ZNF160: variants seen among roughly 807,000 people sequenced by gnomAD.
ZNF160 encodes zinc finger protein 160, also known as KRAB zinc finger protein KR18.
Under a neutral mutation model 13.1 loss-of-function variants are expected in ZNF160, and 9 were observed. That is an observed-to-expected ratio of 0.69 (90% confidence interval 0.41 to 1.20). ZNF160 has a LOEUF of 1.20. ZNF160 is among the 50% of genes most tolerant of loss of function. The pLI, the probability that ZNF160 is intolerant of heterozygous loss-of-function variation, is 0.01. For missense variants in ZNF160, 838 were observed against 988.0 expected, an observed-to-expected ratio of 0.85 and a Z score of 2.04; for synonymous variants, 293 against 333.2, an observed-to-expected ratio of 0.88 and a Z score of 1.31.
rs1357703119 is a variant in ZNF160, at chr19:53,069,469, G to A, written c.1065C>T (p.Asn355=). 3.7e-6 allele frequency: 6 copies of A among 1,613,904 alleles called. No individual in the cohort carries two copies. The highest frequency in any genetic ancestry group is 5.1e-6 in the Non-Finnish European group (6 of 1,179,996). ...TATGAATTAACTGATGGGTAGTTAG[G>A]TTTGAATGTCCTCTAAAGGCTTTTC... ...ECGKAFRGHS[N]LTTHQLIHTG... The change falls in exon 6 of 6, where the codon AAC becomes AAT. Residue 355 remains asparagine (N), a synonymous_variant. Transcript: ENST00000683776. This position sits in a 1 kb window ranked among gnomAD's most constrained non-coding sequence, Gnocchi z 4.4.
intron 3 of ZNF160, among the ~76,000 whole-genome samples, chr19:53,077,869 A>T (rs1019386482): frequency 6.6e-6 from 1 of 152,004 alleles, no homozygotes; most frequent in Non-Finnish European, 1.5e-5. Context: ...AAAACAATAA[A>T]TATGAGATTA....
chr19:53,099,096 G>C (rs1202381951), intron 1 of ZNF160, among the ~76,000 whole-genome samples: 4 of 149,558 alleles, frequency 2.7e-5, no homozygotes, highest in Non-Finnish European at 2.9e-5. Flanking sequence ...GGCCAAGATG[G>C]AGACACAAAA....
At position 53,069,131 on chromosome 19, in the gene ZNF160, A is replaced by G; in HGVS notation, c.1403T>C (p.Leu468Pro). ...AGTATGGATGACCTGATGGGTAGCT[A>G]GGTTTGAATGCATACTGAAGGCTTT... ...CGKAFSMHSN[L>P]ATHQVIHTGT... The change falls in exon 6 of 6, where the codon CTA becomes CCA. Residue 468 changes from leucine (L) to proline (P), a missense_variant. By Grantham distance (98) the Leu-to-Pro change is moderately conservative. Transcript: ENST00000683776. This position sits in a 1 kb window ranked among gnomAD's most constrained non-coding sequence, Gnocchi z 4.4. 6.2e-7 allele frequency: 1 copy of G among 1,614,176 alleles called. No homozygotes were observed. Among genetic ancestry groups the G allele is most frequent in the East Asian group, 2.2e-5 (1 of 44,870 alleles).
intron 3 of ZNF160, chr19:53,075,859 C>G (rs2084368574): frequency 1.9e-6 from 1 of 517,628 alleles, no homozygotes; most frequent in South Asian, 1.4e-5. Context: ...CAGGCCACAA[C>G]TTGTGTTTGT....
intron 1 of ZNF160, among the ~76,000 whole-genome samples, chr19:53,094,242 A>G (rs2085137296): frequency 6.6e-6 from 1 of 151,948 alleles, no homozygotes; most frequent in Admixed American, 6.6e-5. Flanking sequence ...TCCTCCACAC[A>G]CCCTGGTCCA....
chr19:53,075,295 G>T, intron 3 of ZNF160, 112 bp from the exon 4 acceptor site: 1 of 1,362,920 alleles, frequency 7.3e-7, no homozygotes, highest in South Asian at 1.3e-5. Flanking sequence ...TGGGTGAGCT[G>T]ACAGATCCAG....
chr19:53,096,695 G>A (rs2085250544), intron 1 of ZNF160, among the ~76,000 whole-genome samples: 1 of 127,708 alleles, frequency 7.8e-6, no homozygotes, highest in African/African-American at 3.0e-5. Context: ...AGTCTGAACA[G>A]AGCAGCAGAA....
intron 1 of ZNF160, 34 bp from the exon 2 acceptor site, chr19:53,091,754 G>GT (rs2085045191): frequency 6.6e-6 from 1 of 152,254 alleles, no homozygotes; most frequent in Non-Finnish European, 1.5e-5. Flanking sequence ...AAGAAATGCT[G>GT]TAACTGAATG....
In ZNF160 at chr19:53,068,440, A is replaced by G; in HGVS notation, c.2094T>C (p.Thr698=). Residue 698 remains threonine (T), a synonymous_variant, in exon 6 of 6, where the codon ACT becomes ACC. Transcript: ENST00000683776. The stretch of plus-strand genomic sequence containing the variant: ...ATCGGTAAGGTTTCTCTCCGGTGTG[A>G]GTCCTTTGATGATTTGCAAGGTGTG... ...QNSHLANHQR[T]HTGEKPYRCN... 6.2e-7 allele frequency: 1 copy of G among 1,613,844 alleles called. No individual in the cohort carries two copies. The highest frequency in any genetic ancestry group is 8.5e-7 in the Non-Finnish European group (1 of 1,179,934).
chr19:53,098,950 C>A (rs930483653), intron 1 of ZNF160, among the ~76,000 whole-genome samples: 1 of 147,882 alleles, frequency 6.8e-6, no homozygotes, highest in African/African-American at 2.7e-5. Flanking sequence ...AGACCAATTA[C>A]GGATGAAATT....
chr19:53,071,328 A>G (rs1266680951), intron 5 of ZNF160, among the ~76,000 whole-genome samples: 3 of 152,084 alleles, frequency 2.0e-5, no homozygotes, highest in East Asian at 3.9e-4. Context: ...AGGCGGGTGG[A>G]TCACCTGAGG....
Position 53,067,887 on chromosome 19 carries a change from A to C in ZNF160, c.*190T>G. The stretch of plus-strand genomic sequence containing the variant: ...AAAGATATAAATCTTGATGCCTAGT[A>C]ACCTGCGAGGCCTGGATAGACCCTC... On this transcript the variant is annotated 3_prime_UTR_variant, in exon 6 of 6. Coordinates refer to ENST00000683776, the MANE Select transcript of ZNF160 (RefSeq NM_001322131.2). The C allele has an allele frequency of 1.5e-6, 1 of 667,184 alleles. No individual in the cohort carries two copies. The allele number at this position is 667,184 out of a possible 1,614,324, so 41.3% of individuals were successfully genotyped here.
At chr19:53,098,440 A>G (rs2085315693) in intron 1 of ZNF160, among the ~76,000 whole-genome samples, 1 of 152,162 alleles carries the variant, frequency 6.6e-6, no homozygotes, top group Non-Finnish European at 1.5e-5. Flanking sequence ...AGTGGGCCTC[A>G]AGTCTAGATT....
chr19:53,078,049 G>A (rs1380343898), intron 3 of ZNF160, among the ~76,000 whole-genome samples: 1 of 152,168 alleles, frequency 6.6e-6, no homozygotes, highest in Non-Finnish European at 1.5e-5. Context: ...AGACCAGCCT[G>A]GCCAACATGA....
chr19:53,092,323 TC>T (rs2085065311), intron 1 of ZNF160, among the ~76,000 whole-genome samples: 1 of 152,178 alleles, frequency 6.6e-6, no homozygotes, highest in African/African-American at 2.4e-5. Flanking sequence ...ATTTTTTTTT[TC>T]TTTTGAGACA....
intron 1 of ZNF160, among the ~76,000 whole-genome samples, chr19:53,092,581 T>C (rs1002260246): frequency 2.0e-5 from 3 of 152,228 alleles, no homozygotes; most frequent in African/African-American, 4.8e-5. Context: ...CCCAGAGTGC[T>C]GGGATTACAG....
chr19:53,068,127 T>G lies in ZNF160; in HGVS notation c.2407A>C (p.Asn803His), dbSNP rs2145418860. Residue 803 changes from asparagine (N) to histidine (H), a missense_variant, in exon 6 of 6, where the codon AAT becomes CAT. This residue lies in a region of ZNF160 where 51 missense variants were observed against 46.9 expected (regional missense o/e 1.09). Transcript: ENST00000683776. Reference sequence around the variant, plus strand: ...TGCATTCTGTGATGACTTGCAAGATTTGAACTCTGCCTGAAGACCTTGCCA... The same window carrying G: ...TGCATTCTGTGATGACTTGCAAGATGTGAACTCTGCCTGAAGACCTTGCCA... The part of the protein sequence containing the change: ...ECGKVFRQSS[N>H]LASHHRMHTG... 1 of 1,613,532 alleles carries G rather than the reference T, an allele frequency of 6.2e-7. No individual in the cohort carries two copies.
chr19:53,088,389 A>G (rs1393377531), intron 2 of ZNF160, among the ~76,000 whole-genome samples: 2 of 152,136 alleles, frequency 1.3e-5, no homozygotes, highest in Non-Finnish European at 2.9e-5. Flanking sequence ...AATTGAAGAC[A>G]AAGTGGCCGC....
Position 53,073,002 on chromosome 19 carries a change from A to G in ZNF160, c.271+1138T>C, listed in dbSNP as rs1023577081. On this transcript the variant is annotated intron_variant, in intron 5 of 5. Coordinates refer to ENST00000683776, the MANE Select transcript of ZNF160 (RefSeq NM_001322131.2). ...ATAGTTATATATATTTACAGGAAAC[A>G]AACTGATATTCTGTTATAGGTATAC... 14 of 589,324 alleles carry G rather than the reference A, an allele frequency of 2.4e-5. No individual in the cohort carries two copies. In the African/African-American group the frequency reaches 2.8e-4, roughly 12 times the overall value. 36.5% of individuals were successfully genotyped at this position (589,324 alleles called of 1,614,324 possible).
Sources: gnomAD v4.1 joint callset for allele counts (sites outside exome capture counted in the v4.1 genomes callset) on GRCh38, gnomAD v4.1.1 for gene constraint, gnomAD v4.1.1 regional missense constraint, Gnocchi (gnomAD v3.1) non-coding constraint, MANE v1.5 for transcripts, NCBI Gene and HGNC (gene_info 2026-07-23, HGNC 2026-07-21) for gene names.